The following HECW2 variants were observed in gnomAD, a reference collection of about 807,000 sequenced individuals.
HECW2 encodes the protein HECT, C2 and WW domain containing E3 ubiquitin protein ligase 2.
Under a neutral mutation model 175.2 loss-of-function variants are expected in HECW2, and 61 were observed. The observed-to-expected ratio is 0.35, with a 90% confidence interval of 0.28 to 0.43. The LOEUF is 0.43. Ranked by LOEUF, HECW2 falls within the 20% of genes least tolerant of loss-of-function variation. The probability of loss-of-function intolerance (pLI) is 1.00; values close to 1 mark genes in which losing one functional copy is unlikely to be tolerated. For missense variants in HECW2, 1,524 were observed against 2,000.5 expected (o/e 0.76, Z 4.54); for synonymous variants, 671 against 731.0 (o/e 0.92, Z 1.32).
At chr2:196,457,510 T>A (rs1490942340) in intron 1 of HECW2, among the ~76,000 whole-genome samples, 3 of 152,216 alleles carry the variant, frequency 2.0e-5, no homozygotes, top group Non-Finnish European at 4.4e-5. Flanking sequence ...TAAGAATGTG[T>A]GAGTTTCTCA....
chr2:196,261,555 A>C (rs1261062689), intron 17 of HECW2, among the ~76,000 whole-genome samples: 2 of 152,248 alleles, frequency 1.3e-5, no homozygotes, highest in Non-Finnish European at 2.9e-5. Flanking sequence ...GCTAGGCCAG[A>C]GATGCAAAAA....
At chr2:196,258,898 G>C (rs1465801611) in intron 17 of HECW2, among the ~76,000 whole-genome samples, 2 of 152,070 alleles carry the variant, frequency 1.3e-5, no homozygotes, top group East Asian at 1.9e-4. Flanking sequence ...ACTGATACAA[G>C]TATTTATTTA....
At chr2:196,522,738 C>T (rs28788575) in intron 1 of HECW2, among the ~76,000 whole-genome samples, 22,523 of 149,222 alleles carry the variant, frequency 0.15, 3,020 homozygotes, top group African/African-American at 0.37. Context: ...AATAGGGAAT[C>T]CTTTCCCCAT....
At chr2:196,257,705 G>A (rs921801888) in intron 18 of HECW2, 118 bp downstream of exon 18, 63 of 705,782 alleles carry the variant, frequency 8.9e-5, no homozygotes, top group Middle Eastern at 2.4e-4. Flanking sequence ...ATTTCCACAA[G>A]TCTAAAGAAT....
intron 19 of HECW2, among the ~76,000 whole-genome samples, chr2:196,249,499 A>C (rs1688779571): frequency 6.6e-6 from 1 of 152,186 alleles, no homozygotes; most frequent in South Asian, 2.1e-4. Flanking sequence ...AGGAATTCTC[A>C]ATGAAGATCA....
chr2:196,467,847 TC>T (rs1697023798), intron 1 of HECW2, among the ~76,000 whole-genome samples: 1 of 152,210 alleles, frequency 6.6e-6, no homozygotes, highest in Admixed American at 6.5e-5. Context: ...CCTAGCCTAT[TC>T]CCTAAGTGTC....
chr2:196,299,207 A>C (rs1690936649), intron 13 of HECW2, among the ~76,000 whole-genome samples: 1 of 152,170 alleles, frequency 6.6e-6, no homozygotes, highest in Non-Finnish European at 1.5e-5. Context: ...GGAAGAAAAA[A>C]ATTAAAATGC....
intron 1 of HECW2, among the ~76,000 whole-genome samples, chr2:196,586,052 C>T (rs1384254591): frequency 1.9e-4 from 29 of 152,188 alleles, no homozygotes; most frequent in Admixed American, 1.9e-3. Context: ...CTCGTGTCTA[C>T]TCCCCATCAA....
chr2:196,201,090 C>G lies in HECW2; in HGVS notation c.*187G>C. 1.8e-6 allele frequency: 1 copy of G among 554,466 alleles called. No individual in the cohort carries two copies. Among genetic ancestry groups the G allele is most frequent in the South Asian group, 2.2e-5 (1 of 46,244 alleles). The allele number at this position is 554,466 out of a possible 1,614,324, so 34.3% of individuals were successfully genotyped here. ...GGTTGTTCCCTGGGCATCAAGCTCA[C>G]CCAAATCCTTCCAAGAGGACTCATC... On this transcript the variant is annotated 3_prime_UTR_variant, in exon 29 of 29. Transcript: ENST00000644978.
intron 1 of HECW2, among the ~76,000 whole-genome samples, chr2:196,434,672 T>G (rs1185505145): frequency 6.6e-6 from 1 of 152,220 alleles, no homozygotes; most frequent in South Asian, 2.1e-4. Flanking sequence ...CAGAACTACA[T>G]AATCCACTCA....
chr2:196,445,076 T>C (rs1696146044), intron 1 of HECW2, among the ~76,000 whole-genome samples: 1 of 152,212 alleles, frequency 6.6e-6, no homozygotes, highest in African/African-American at 2.4e-5. Flanking sequence ...AACATTCCTA[T>C]ATGTCAATTC....
intron 21 of HECW2, 138 bp downstream of exon 21, chr2:196,240,310 AG>A: frequency 4.3e-6 from 2 of 469,194 alleles, no homozygotes; most frequent in Admixed American, 4.0e-5. Context: ...AAAAAAAAAA[AG>A]CCCAAAGGTT....
In HECW2 at chr2:196,319,396, A is replaced by G. The variant is rs1691849033; in HGVS notation, c.1494T>C (p.Asp498=). The G allele has an allele frequency of 6.2e-7, 1 of 1,613,284 alleles. No individual in the cohort carries two copies. The highest frequency in any genetic ancestry group is 8.5e-7 in the Non-Finnish European group (1 of 1,180,002). Residue 498 remains aspartate, a synonymous_variant, in exon 9 of 29, where the codon GAT becomes GAC. Transcript: ENST00000644978. ...LIMFSRASRA[D]DGSLTSQTKL... is the part of the protein sequence containing the mutation. ...TTGTCTGAGATGTCAGGCTTCCATC[A>G]TCAGCTCTGGATGCCCTGCTAAACA...
Position 196,486,233 on chromosome 2 carries a change from C to T in HECW2, c.-35-52775G>A, listed in dbSNP as rs1687000978. ...AACGTGAGAAAATGTTCTAGAAGTT[C>T]TAGCTGGAGCGTTTACATGGAGTCA... On this transcript the variant is annotated intron_variant, in intron 1 of 28. Transcript: ENST00000644978. 2.6e-5 allele frequency among the ~76,000 whole-genome samples: 4 copies of T among 152,224 alleles called. 1 individual carries two copies. In the South Asian group the frequency reaches 8.3e-4, roughly 31 times the overall value.
intron 1 of HECW2, among the ~76,000 whole-genome samples, chr2:196,579,308 T>C (rs115487489): frequency 6.6e-6 from 1 of 152,024 alleles, no homozygotes; most frequent in Non-Finnish European, 1.5e-5. Flanking sequence ...AAATATATAT[T>C]TAACACAAGA....
chr2:196,216,095 C>T, intron 27 of HECW2, 118 bp from the exon 28 acceptor site: 1 of 652,676 alleles, frequency 1.5e-6, no homozygotes, highest in Non-Finnish European at 2.7e-6. Flanking sequence ...GTTCTGAAGA[C>T]AAAACTTCAC....
intron 2 of HECW2, among the ~76,000 whole-genome samples, chr2:196,377,231 C>T (rs778293886): frequency 4.6e-5 from 7 of 152,142 alleles, no homozygotes; most frequent in Non-Finnish European, 8.8e-5. Context: ...ACCTAAGAGG[C>T]AAATTATATT....
chr2:196,216,751 G>A (rs1305207249), intron 27 of HECW2, among the ~76,000 whole-genome samples: 2 of 152,184 alleles, frequency 1.3e-5, no homozygotes, highest in Non-Finnish European at 2.9e-5. Flanking sequence ...CCTGAAGGCA[G>A]ATGTTGTTAC....
chr2:196,507,376 T>C (rs556207579), intron 1 of HECW2, among the ~76,000 whole-genome samples: 6 of 152,236 alleles, frequency 3.9e-5, no homozygotes, highest in African/African-American at 1.2e-4. Flanking sequence ...AGAACTCATA[T>C]GTTTAGAGCA....
Sources: allele counts gnomAD v4.1 joint callset (sites outside exome capture counted in the v4.1 genomes callset), GRCh38; gene constraint gnomAD v4.1.1; transcripts MANE v1.5; gene names NCBI Gene and HGNC (gene_info 2026-07-23, HGNC 2026-07-21).